The following TEK variants were observed in gnomAD, a reference collection of about 807,000 sequenced individuals.
TEK encodes the protein angiopoietin-1 receptor.
A neutral mutation model predicts 131.8 loss-of-function variants in TEK; 43 were observed. The ratio of observed to expected loss-of-function variants is 0.33; its 90% CI spans 0.26 to 0.42. The LOEUF (loss-of-function observed/expected upper bound fraction) is 0.42, where lower values mean the gene tolerates loss of function less well. Ranked by LOEUF, TEK falls within the 10% of genes least tolerant of loss-of-function variation. The probability of loss-of-function intolerance (pLI) is 1.00; values close to 1 mark genes in which losing one functional copy is unlikely to be tolerated. For missense variants in TEK, 1,162 were observed against 1,384.4 expected, an observed-to-expected ratio of 0.84 and a Z score of 2.55; for synonymous variants, 580 against 491.6, an observed-to-expected ratio of 1.18 and a Z score of -2.38.
chr9:27,146,196 C>T (rs921152764), intron 1 of TEK, among the ~76,000 whole-genome samples: 13 of 152,114 alleles, frequency 8.5e-5, no homozygotes, highest in African/African-American at 2.4e-4. Flanking sequence ...CAGTTTGTGG[C>T]TATATGCTGC....
intron 6 of TEK, among the ~76,000 whole-genome samples, chr9:27,174,138 G>A (rs1824076706): frequency 6.6e-6 from 1 of 152,148 alleles, no homozygotes; most frequent in Admixed American, 6.5e-5. Flanking sequence ...TTTTCAGTAT[G>A]CATTTCACAT....
chr9:27,158,044 A>G lies in TEK; in HGVS notation c.266A>G (p.Lys89Arg). ...GAATGGGCTAAAAAAGTTGTTTGGA[A>G]GAGAGAAAAGGCTAGTAAGATCAAT... is the stretch of plus-strand genomic sequence containing the variant. The part of the protein sequence containing the change: ...TREWAKKVVW[K>R]REKASKINGA... The change falls in exon 2 of 23, where the codon AAG becomes AGG. Residue 89 changes from lysine to arginine, a missense_variant. Transcript: ENST00000380036. 6.2e-7 allele frequency: 1 copy of G among 1,614,164 alleles called. No individual in the cohort carries two copies. The highest frequency in any genetic ancestry group is 1.3e-5 in the African/African-American group (1 of 75,056).
intron 2 of TEK, among the ~76,000 whole-genome samples, chr9:27,160,908 A>G (rs482271): frequency 0.036 from 5,517 of 152,004 alleles, 326 homozygotes; most frequent in African/African-American, 0.13. Flanking sequence ...TATTTTTCAC[A>G]TGTGTCATTT....
chr9:27,192,714 G>T, intron 11 of TEK, 91 bp downstream of exon 11: 2 of 1,073,928 alleles, frequency 1.9e-6, no homozygotes, highest in Middle Eastern at 3.0e-4. Context: ...GGTGGTGGTG[G>T]GTGAGTGGGT....
intron 11 of TEK, among the ~76,000 whole-genome samples, chr9:27,195,322 A>C (rs1223699525): frequency 6.6e-6 from 1 of 152,142 alleles, no homozygotes; most frequent in Non-Finnish European, 1.5e-5. Flanking sequence ...CCTCGAACCA[A>C]GAGTAAGAGC....
At chr9:27,186,725 G>A (rs1198157969) in intron 9 of TEK, among the ~76,000 whole-genome samples, 3 of 152,196 alleles carry the variant, frequency 2.0e-5, no homozygotes, top group Non-Finnish European at 2.9e-5. Flanking sequence ...GGTGACCAAA[G>A]TTGATTTGTA....
intron 16 of TEK, among the ~76,000 whole-genome samples, chr9:27,211,611 C>G: frequency 1.3e-5 from 2 of 151,870 alleles, no homozygotes; most frequent in East Asian, 1.9e-4. Flanking sequence ...CAGGGATGCA[C>G]CACCATGCTT....
chr9:27,130,253 A>C (rs1171658902), intron 1 of TEK, among the ~76,000 whole-genome samples: 1 of 152,234 alleles, frequency 6.6e-6, no homozygotes, highest in Non-Finnish European at 1.5e-5. Flanking sequence ...TTTATATAAA[A>C]TTTAAATAAT....
intron 21 of TEK, among the ~76,000 whole-genome samples, chr9:27,225,033 A>G (rs1826256811): frequency 6.6e-6 from 1 of 152,230 alleles, no homozygotes; most frequent in Non-Finnish European, 1.5e-5. Flanking sequence ...TAAAATATCT[A>G]GGAATCCAAC....
intron 1 of TEK, among the ~76,000 whole-genome samples, chr9:27,133,869 T>C (rs546356290): frequency 5.8e-4 from 89 of 152,296 alleles, no homozygotes; most frequent in African/African-American, 2.0e-3. Context: ...TAAAAACACA[T>C]TGGGGAACCC....
intron 7 of TEK, among the ~76,000 whole-genome samples, chr9:27,183,247 G>A (rs888471281): frequency 6.6e-6 from 1 of 152,156 alleles, no homozygotes; most frequent in African/African-American, 2.4e-5. Context: ...ATCTGAGTCT[G>A]AATCTGGGCT....
At chr9:27,200,258 G>A (rs1825169642) in intron 12 of TEK, among the ~76,000 whole-genome samples, 1 of 152,086 alleles carries the variant, frequency 6.6e-6, no homozygotes, top group Non-Finnish European at 1.5e-5. Flanking sequence ...CTTGTGAAAT[G>A]TCAGTAACTA....
chr9:27,176,146 C>T (rs546488325), intron 6 of TEK, among the ~76,000 whole-genome samples: 1 of 152,310 alleles, frequency 6.6e-6, no homozygotes, highest in African/African-American at 2.4e-5. Context: ...CTAACAGTAA[C>T]TACTTAAGGA....
chr9:27,120,274 C>T (rs960655571), intron 1 of TEK, among the ~76,000 whole-genome samples: 8 of 152,240 alleles, frequency 5.3e-5, no homozygotes, highest in African/African-American at 1.7e-4. Context: ...CATGTTCAAG[C>T]ATTTATGCCT....
intron 1 of TEK, among the ~76,000 whole-genome samples, chr9:27,147,255 T>G (rs1822965382): frequency 6.6e-6 from 1 of 152,188 alleles, no homozygotes; most frequent in Non-Finnish European, 1.5e-5. Flanking sequence ...TTTTTCTTTC[T>G]TCTTTTTTTG....
chr9:27,117,981 C>T (rs1354729344), intron 1 of TEK, among the ~76,000 whole-genome samples: 1 of 152,164 alleles, frequency 6.6e-6, no homozygotes, highest in African/African-American at 2.4e-5. Flanking sequence ...GCTGGGGAGG[C>T]ACTCACTGCT....
At position 27,192,629 on chromosome 9, in the gene TEK, T is replaced by G. The variant is rs1393448500; in HGVS notation, c.1624+6T>G. On this transcript the variant is annotated splice_donor_region_variant and intron_variant, in intron 11 of 22. Transcript: ENST00000380036. ...CTTCACAACAGCTTCTATCGGTCAG[T>G]GGAAGCCAACAGGCATTTATTCATG... 11 of 1,584,096 alleles carry G rather than the reference T, an allele frequency of 6.9e-6. No homozygotes were observed. Among genetic ancestry groups the G allele is most frequent in the Admixed American group, 1.8e-5 (1 of 56,640 alleles).
chr9:27,190,703 C>G lies in TEK; in HGVS notation c.1489+13C>G. The G allele has an allele frequency of 3.1e-6, 5 of 1,613,794 alleles. No individual in the cohort carries two copies. Among genetic ancestry groups the G allele is most frequent in the Non-Finnish European group, 4.2e-6 (5 of 1,179,768 alleles). On this transcript the variant is annotated intron_variant, in intron 10 of 22. Transcript: ENST00000380036. ...CAACATATTCAAGGTAAGCTTTGGA[C>G]AGGATAGATGCCAGCTGGGGATGTG...
intron 1 of TEK, among the ~76,000 whole-genome samples, chr9:27,156,258 T>C (rs1823326884): frequency 6.6e-6 from 1 of 152,210 alleles, no homozygotes; most frequent in Non-Finnish European, 1.5e-5. Context: ...TATGTTGAGA[T>C]TACGGAGAAT....
Sources: gnomAD v4.1 joint callset for allele counts (sites outside exome capture counted in the v4.1 genomes callset) on GRCh38, gnomAD v4.1.1 for gene constraint, MANE v1.5 for transcripts, NCBI Gene and HGNC (gene_info 2026-07-23, HGNC 2026-07-21) for gene names.